ZNF761: variants seen among roughly 807,000 people sequenced by gnomAD.
ZNF761 encodes zinc finger protein 761.
ZNF761 carries 43 observed loss-of-function variants against 59.9 expected under a neutral mutation model. The observed-to-expected ratio is 0.72, with a 90% CI of 0.56 to 0.92. The LOEUF is 0.92. Among genes scored for constraint, ZNF761 ranks in the 40% least tolerant of loss-of-function variants. The pLI, the probability that ZNF761 is intolerant of heterozygous loss-of-function variation, is 0.00. For synonymous variants in ZNF761, 294 were observed against 304.8 expected (o/e 0.96, Z 0.37); for missense variants, 850 against 906.1 (o/e 0.94, Z 0.79).
chr19:53,457,960 G>A lies in ZNF761; in HGVS notation c.*1212G>A, dbSNP rs1478951748. 3 of 152,372 alleles carry A rather than the reference G, an allele frequency of 2.0e-5. No individual in the cohort carries two copies. Among genetic ancestry groups the A allele is most frequent in the Non-Finnish European group, 4.4e-5 (3 of 68,154 alleles). The allele number at this position is 152,372 out of a possible 1,614,324, so 9.4% of individuals were successfully genotyped here. A position where few individuals can be genotyped will look rare whatever the true frequency, so the allele number is the denominator to read the frequency against. ...CTATCAATATGGGTTGTAGCTCAAT[G>A]TTTTTAATCATTTTGATCAATGTTT... On this transcript the variant is annotated 3_prime_UTR_variant, in exon 5 of 5. Transcript: ENST00000684525.
In ZNF761 at chr19:53,456,310, T is replaced by C; in HGVS notation, c.1803T>C (p.Thr601=). ...SNLEIHQKIH[T]EENPYKCNEC... is the part of the protein sequence containing the mutation. ...TTGAAATACATCAGAAAATTCATAC[T>C]GAAGAGAATCCTTACAAGTGTAATG... Residue 601 remains threonine, a synonymous_variant, in exon 5 of 5, where the codon ACT becomes ACC. Transcript: ENST00000684525. 6.2e-7 allele frequency: 1 copy of C among 1,611,066 alleles called. No homozygotes were observed. The highest frequency in any genetic ancestry group is 8.5e-7 in the Non-Finnish European group (1 of 1,177,790).
chr19:53,438,501 G>A (rs2086065803), intron 1 of ZNF761, among the ~76,000 whole-genome samples: 1 of 152,180 alleles, frequency 6.6e-6, no homozygotes, highest in Non-Finnish European at 1.5e-5. Flanking sequence ...ATAGTCTTAA[G>A]GCTGGGGCCT....
At chr19:53,432,562 T>A (rs1240620468) in intron 1 of ZNF761, among the ~76,000 whole-genome samples, 1 of 152,150 alleles carries the variant, frequency 6.6e-6, no homozygotes, top group Non-Finnish European at 1.5e-5. Context: ...GGGCCTGTCC[T>A]GTGACGCGGG....
chr19:53,448,146 C>T (rs1286049883), intron 3 of ZNF761, among the ~76,000 whole-genome samples: 2 of 152,034 alleles, frequency 1.3e-5, no homozygotes, highest in Admixed American at 1.3e-4. Context: ...GGATTATAGG[C>T]GTGCGTCACC....
At chr19:53,454,099 G>T (rs2708745) in intron 4 of ZNF761, among the ~76,000 whole-genome samples, 1 of 151,806 alleles carries the variant, frequency 6.6e-6, no homozygotes, top group Non-Finnish European at 1.5e-5. Context: ...TCAGCCTCCC[G>T]AGTAGCTGGG....
rs1190994548 is a variant in ZNF761 at position 53,455,458 on chromosome 19, G to C, written c.951G>C (p.Arg317Ser). The change falls in exon 5 of 5, where the codon AGG (arginine) becomes AGC (serine). Residue 317 changes from arginine to serine, a missense_variant. Transcript: ENST00000684525. ...TCAAATCAATACTTGAAAGACATAGGATAATTCATACTGAAGAGAAACCAT... is the reference window on the plus strand; with the variant it reads ...TCAAATCAATACTTGAAAGACATAGCATAATTCATACTGAAGAGAAACCAT... ...FHFKSILERH[R>S]IIHTEEKPYK... is the part of the protein sequence containing the mutation. The C allele has an allele frequency of 6.2e-7, 1 of 1,612,062 alleles. No homozygotes were observed. The highest frequency in any genetic ancestry group is 1.3e-5 in the African/African-American group (1 of 74,204).
intron 1 of ZNF761, 30 bp downstream of exon 1, chr19:53,432,058 T>G (rs1213806943): frequency 6.5e-6 from 1 of 152,730 alleles, no homozygotes; most frequent in East Asian, 1.9e-4. Flanking sequence ...GTATTAAGTC[T>G]GCTCTTCCAG....
At chr19:53,437,843 C>G (rs941877794) in intron 1 of ZNF761, among the ~76,000 whole-genome samples, 3 of 130,100 alleles carry the variant, frequency 2.3e-5, no homozygotes, top group Non-Finnish European at 4.8e-5. Flanking sequence ...TAAATACTGA[C>G]TTTCTTCTCT....
chr19:53,452,201 G>A (rs1254968852), intron 4 of ZNF761, among the ~76,000 whole-genome samples: 1 of 152,072 alleles, frequency 6.6e-6, no homozygotes, highest in Non-Finnish European at 1.5e-5. Flanking sequence ...ACAAGAAATT[G>A]GCCAGTTGTG....
At chr19:53,441,481 C>T (rs546459051) in intron 1 of ZNF761, among the ~76,000 whole-genome samples, 1 of 148,010 alleles carries the variant, frequency 6.8e-6, no homozygotes, top group South Asian at 2.2e-4. Flanking sequence ...GAATCTCACG[C>T]AGTCACCCAG....
At position 53,456,704 on chromosome 19, in the gene ZNF761, C is replaced by T. The variant is rs774163302; in HGVS notation, c.2197C>T (p.Leu733Phe). 1 of 1,613,666 alleles carries T rather than the reference C, an allele frequency of 6.2e-7. No homozygotes were observed. Among genetic ancestry groups the T allele is most frequent in the Non-Finnish European group, 8.5e-7 (1 of 1,179,906 alleles). The change falls in exon 5 of 5, where the codon CTT becomes TTT. Residue 733 changes from leucine (L) to phenylalanine (F), a missense_variant. By Grantham distance (22) the Leu-to-Phe change is conservative. Coordinates refer to ENST00000684525, the MANE Select transcript of ZNF761 (RefSeq NM_001289951.2). The part of the protein sequence containing the change: ...CGKTFSQKSN[L>F]TCHRRLHTGE... The stretch of plus-strand genomic sequence containing the variant: ...CAAGACCTTTAGTCAGAAGTCAAAC[C>T]TTACATGCCATCGTAGACTTCATAC...
chr19:53,450,128 C>T lies in ZNF761; in HGVS notation c.142+490C>T, dbSNP rs551388921. The T allele has an allele frequency of 1.1e-4, 29 of 259,222 alleles. 1 individual carries two copies. The highest frequency in any genetic ancestry group is 6.5e-4 in the African/African-American group (29 of 44,648). The allele number at this position is 259,222 out of a possible 1,614,324, so 16.1% of individuals were successfully genotyped here. ...GACCAGCCCGGCCAACATGGTGAAA[C>T]CCCGTCTCTACTAAAAATAGAAAAA... On this transcript the variant is annotated intron_variant, in intron 4 of 4. Transcript: ENST00000684525.
intron 1 of ZNF761, chr19:53,442,888 A>G (rs957030622): frequency 2.0e-4 from 81 of 413,588 alleles, no homozygotes; most frequent in Middle Eastern, 7.1e-4. Context: ...TGAAAAAAAA[A>G]ATACATAATC....
In ZNF761 at chr19:53,454,699, C is replaced by T. The variant is rs1009231862; in HGVS notation, c.192C>T (p.Gly64=). ...AGGAGTTCTTGTCAACAGCGCAAGG[C>T]AACAGAGAAGTGTTCCATGCAGGGA... is the stretch of plus-strand genomic sequence containing the variant. ...TMKEFLSTAQ[G]NREVFHAGTL... is the part of the protein sequence containing the mutation. The change falls in exon 5 of 5, where the codon GGC becomes GGT. Residue 64 remains glycine, a synonymous_variant. Transcript: ENST00000684525. The T allele has an allele frequency of 6.2e-7, 1 of 1,612,238 alleles. No homozygotes were observed.
intron 1 of ZNF761, chr19:53,442,263 A>G: frequency 1.5e-6 from 2 of 1,330,774 alleles, no homozygotes; most frequent in Admixed American, 3.4e-5. Flanking sequence ...TAAGTTGGTG[A>G]TCATTGAAGG....
Position 53,454,951 on chromosome 19 carries a change from G to T in ZNF761, c.444G>T (p.Leu148=), listed in dbSNP as rs757125235. The change falls in exon 5 of 5, where the codon CTG becomes CTT. Residue 148 remains leucine (L), a synonymous_variant. Transcript: ENST00000684525. ...DQLGSSFHSH[L]PEMHIFQTEE... is the part of the protein sequence containing the mutation. ...TTGGATCAAGCTTTCATTCGCATCT[G>T]CCTGAAATGCACATATTTCAGACCG... The T allele has an allele frequency of 2.5e-6, 4 of 1,614,044 alleles. No homozygotes were observed. Among genetic ancestry groups the T allele is most frequent in the Non-Finnish European group, 3.4e-6 (4 of 1,180,036 alleles).
chr19:53,437,179 G>A (rs11667728), intron 1 of ZNF761, among the ~76,000 whole-genome samples: 5,210 of 152,076 alleles, frequency 0.034, 120 homozygotes, highest in Middle Eastern at 0.044. Context: ...ATAGCCAGTC[G>A]TGTTGGCAGG....
In ZNF761 at chr19:53,454,909, G is replaced by T. The variant is rs1424568897; in HGVS notation, c.402G>T (p.Lys134Asn). ...ERYDQSHARN[K>N]PIKDQLGSSF... The stretch of plus-strand genomic sequence containing the variant: ...ATGATCAAAGTCATGCTAGAAACAA[G>T]CCTATTAAAGATCAGCTTGGATCAA... Residue 134 changes from lysine (K) to asparagine (N), a missense_variant, in exon 5 of 5, where the codon AAG (lysine) becomes AAT (asparagine). By Grantham distance (94) the Lys-to-Asn change is moderately conservative. Transcript: ENST00000684525. 1 of 1,614,024 alleles carries T rather than the reference G, an allele frequency of 6.2e-7. No individual in the cohort carries two copies. The highest frequency in any genetic ancestry group is 1.3e-5 in the African/African-American group (1 of 74,922).
chr19:53,433,029 C>T lies in ZNF761; in HGVS notation c.-185+1001C>T, dbSNP rs552952440. On this transcript the variant is annotated intron_variant, in intron 1 of 4. Coordinates refer to ENST00000684525, the MANE Select transcript of ZNF761 (RefSeq NM_001289951.2). ...GGAGGACACCTGGGGATCTGGGGTG[C>T]TAGAGAGTGGGGACAGGGGGGTATA... Among the ~76,000 whole-genome samples the T allele has an allele frequency of 1.0e-3, 51 of 50,132 alleles. 1 individual carries two copies. The South Asian group carries it at 0.026, about 26-fold the overall frequency. 32.9% of individuals were successfully genotyped at this position (50,132 alleles called of 152,430 possible).
Sources: gnomAD v4.1 joint callset for allele counts (sites outside exome capture counted in the v4.1 genomes callset) on GRCh38, gnomAD v4.1.1 for gene constraint, MANE v1.5 for transcripts, NCBI Gene and HGNC (gene_info 2026-07-23, HGNC 2026-07-21) for gene names.